Variants in GALNT13 observed in about 807,000 individuals in gnomAD.
GALNT13 encodes UDP-GalNAc:polypeptide N-acetylgalactosaminyltransferase 13.
Under a neutral mutation model 64.2 loss-of-function variants are expected in GALNT13, and 28 were observed. The ratio of observed to expected loss-of-function variants is 0.44; its 90% CI spans 0.32 to 0.60. The LOEUF is 0.60. Among genes scored for constraint, GALNT13 ranks in the 20% least tolerant of loss-of-function variants. The pLI, the probability that GALNT13 is intolerant of heterozygous loss-of-function variation, is 0.05. For synonymous variants in GALNT13, 214 were observed against 224.6 expected, an observed-to-expected ratio of 0.95 and a Z score of 0.42; for missense variants, 577 against 669.8, an observed-to-expected ratio of 0.86 and a Z score of 1.53.
the GALNT13 span, among the ~76,000 whole-genome samples, chr2:153,282,026 C>T: frequency 1.3e-5 from 2 of 152,018 alleles, no homozygotes; most frequent in Non-Finnish European, 2.9e-5. Flanking sequence ...TTCCTTCTCT[C>T]TCATGAATGG....
At chr2:153,534,288 C>T in the GALNT13 span, among the ~76,000 whole-genome samples, 1 of 151,962 alleles carries the variant, frequency 6.6e-6, no homozygotes, top group Non-Finnish European at 1.5e-5. Flanking sequence ...GTAAATAGGC[C>T]ATTAATAATT....
At chr2:153,233,481 A>ATT in the GALNT13 span, among the ~76,000 whole-genome samples, 5 of 132,678 alleles carry the variant, frequency 3.8e-5, no homozygotes, top group Non-Finnish European at 5.1e-5. Context: ...ATAATACCTT[A>ATT]TTTTTAAAAA....
chr2:154,210,298 G>A (rs1687691562), intron 4 of GALNT13, among the ~76,000 whole-genome samples: 1 of 152,152 alleles, frequency 6.6e-6, no homozygotes, highest in Non-Finnish European at 1.5e-5. Flanking sequence ...AGTGAATAAG[G>A]GAAAGAGATA....
chr2:154,202,685 C>T (rs187964932), intron 4 of GALNT13, among the ~76,000 whole-genome samples: 22 of 152,198 alleles, frequency 1.4e-4, no homozygotes, highest in Non-Finnish European at 2.9e-4. Flanking sequence ...ACCACCATGA[C>T]ACTCTGTTAA....
the GALNT13 span, among the ~76,000 whole-genome samples, chr2:153,563,971 A>T: frequency 6.6e-6 from 1 of 152,186 alleles, no homozygotes; most frequent in South Asian, 2.1e-4. Context: ...AGGATTTCAA[A>T]ATGAGAGTAC....
chr2:154,135,411 C>T lies in GALNT13; in HGVS notation c.143-4926C>T, dbSNP rs372218732. On this transcript the variant is annotated intron_variant, in intron 3 of 12. Transcript: ENST00000392825. ...TAATATATGCTAGACTTGATGCAGC[C>T]GGGGCTTGCTATTTACAACTTTCTA... is the stretch of plus-strand genomic sequence containing the variant. 2.4e-4 allele frequency among the ~76,000 whole-genome samples: 36 copies of T among 152,088 alleles called. 1 individual carries two copies. In the South Asian group the frequency reaches 6.0e-3, roughly 26 times the overall value.
At chr2:154,396,678 A>C (rs550813144) in intron 10 of GALNT13, among the ~76,000 whole-genome samples, 1 of 152,194 alleles carries the variant, frequency 6.6e-6, no homozygotes, top group African/African-American at 2.4e-5. Context: ...TCGGTATTCC[A>C]TCTATTGCTG....
At chr2:153,996,477 T>C (rs906812724) in intron 3 of GALNT13, among the ~76,000 whole-genome samples, 9 of 152,162 alleles carry the variant, frequency 5.9e-5, no homozygotes, top group African/African-American at 2.2e-4. Context: ...TTGCATGTCT[T>C]CTTTTGATAA....
the GALNT13 span, among the ~76,000 whole-genome samples, chr2:153,234,456 A>G: frequency 1.3e-5 from 2 of 152,114 alleles, no homozygotes; most frequent in Non-Finnish European, 2.9e-5. Context: ...TCCCACCTTT[A>G]TGGGTGTGAG....
At chr2:154,120,128 A>C (rs1005109212) in intron 3 of GALNT13, among the ~76,000 whole-genome samples, 1 of 151,952 alleles carries the variant, frequency 6.6e-6, no homozygotes, top group African/African-American at 2.4e-5. Context: ...ATAGCCTGTG[A>C]TTCTGGAATG....
At chr2:153,917,161 A>G (rs1406981835) in intron 2 of GALNT13, among the ~76,000 whole-genome samples, 2 of 152,008 alleles carry the variant, frequency 1.3e-5, no homozygotes, top group Admixed American at 6.6e-5. Flanking sequence ...TTCTTTTGCC[A>G]AAAGAAATAT....
chr2:153,380,935 T>G, the GALNT13 span, among the ~76,000 whole-genome samples: 1 of 152,022 alleles, frequency 6.6e-6, no homozygotes, highest in Non-Finnish European at 1.5e-5. Context: ...TGTTTCCTGT[T>G]TCATTTTGTT....
At chr2:153,630,199 G>A in the GALNT13 span, among the ~76,000 whole-genome samples, 8 of 151,922 alleles carry the variant, frequency 5.3e-5, no homozygotes, top group Non-Finnish European at 8.8e-5. Flanking sequence ...ACATGCACAC[G>A]TATGTTTATT....
In GALNT13 at chr2:154,271,026, G is replaced by T. The variant is rs532577139; in HGVS notation, c.975+11888G>T. Among the ~76,000 whole-genome samples the T allele has an allele frequency of 9.2e-5, 14 of 151,934 alleles. No homozygotes were observed. The South Asian group carries it at 2.7e-3, about 29-fold the overall frequency. ...GCATTCTTTTCTCTTAATAAAAATA[G>T]AACTCACATACACAAGATGCAGGGA... On this transcript the variant is annotated intron_variant, in intron 8 of 12. Transcript: ENST00000392825.
intron 3 of GALNT13, among the ~76,000 whole-genome samples, chr2:154,035,178 C>T (rs1698584795): frequency 6.6e-6 from 1 of 152,076 alleles, no homozygotes; most frequent in African/African-American, 2.4e-5. Context: ...TACACACACA[C>T]ATAGACACAC....
intron 10 of GALNT13, among the ~76,000 whole-genome samples, chr2:154,396,644 GA>G (rs919477445): frequency 6.6e-6 from 1 of 152,056 alleles, no homozygotes; most frequent in African/African-American, 2.4e-5. Flanking sequence ...CTTAATAGAA[GA>G]TAGCTGGATT....
chr2:153,178,729 CTTCTTTT>C, the GALNT13 span, among the ~76,000 whole-genome samples: 1 of 124,208 alleles, frequency 8.1e-6, no homozygotes, highest in African/African-American at 3.0e-5. Context: ...TTTTTCTCTT[CTTCTTTT>C]TTTTTTTTTT....
intron 10 of GALNT13, among the ~76,000 whole-genome samples, chr2:154,396,702 T>G (rs1436212256): frequency 6.6e-6 from 1 of 152,026 alleles, no homozygotes; most frequent in East Asian, 1.9e-4. Context: ...TACAAGGCAG[T>G]CTATTACAAT....
At chr2:153,548,512 G>GC in the GALNT13 span, among the ~76,000 whole-genome samples, 1 of 152,168 alleles carries the variant, frequency 6.6e-6, no homozygotes, top group African/African-American at 2.4e-5. Context: ...CCGAACAGGA[G>GC]CCACTGTCTT....
Sources: gnomAD v4.1 joint callset for allele counts (sites outside exome capture counted in the v4.1 genomes callset) on GRCh38, gnomAD v4.1.1 for gene constraint, MANE v1.5 for transcripts, NCBI Gene and HGNC (gene_info 2026-07-23, HGNC 2026-07-21) for gene names.